CTNND2: variants seen among roughly 807,000 people sequenced by gnomAD.
The protein encoded by CTNND2 is catenin delta 2, also known as catenin delta-2.
Under a neutral mutation model 144.4 loss-of-function variants are expected in CTNND2, and 22 were observed. The ratio of observed to expected loss-of-function variants is 0.15; its 90% confidence interval spans 0.11 to 0.22. The LOEUF (loss-of-function observed/expected upper bound fraction) is 0.22, where lower values mean the gene tolerates loss of function less well. Among genes scored for constraint, CTNND2 ranks in the 10% least tolerant of loss-of-function variants. CTNND2 has a pLI of 1.00. For missense variants in CTNND2, 1,353 were observed against 1,618.8 expected, an observed-to-expected ratio of 0.84 and a Z score of 2.82; for synonymous variants, 751 against 695.6, an observed-to-expected ratio of 1.08 and a Z score of -1.25.
intron 14 of CTNND2, among the ~76,000 whole-genome samples, chr5:11,104,761 C>T (rs1029816577): frequency 1.3e-5 from 2 of 152,282 alleles, no homozygotes; most frequent in East Asian, 3.9e-4. Flanking sequence ...GAGTTGATGG[C>T]TAATTAGCTG....
At chr5:11,185,039 A>C (rs1455700820) in intron 11 of CTNND2, among the ~76,000 whole-genome samples, 1 of 152,198 alleles carries the variant, frequency 6.6e-6, no homozygotes, top group East Asian at 1.9e-4. Flanking sequence ...CGGATGACTC[A>C]GTTCTCAATC....
chr5:11,771,255 G>A (rs901136142), intron 1 of CTNND2, among the ~76,000 whole-genome samples: 14 of 129,284 alleles, frequency 1.1e-4, no homozygotes, highest in East Asian at 7.2e-4. Context: ...GCAGTGGCAC[G>A]ATGTCAGCTC....
rs111475253 is a variant in CTNND2, at chr5:11,200,677, T to C, written c.1762-1016A>G. Among the ~76,000 whole-genome samples the C allele has an allele frequency of 5.5e-3, 843 of 152,218 alleles. 13 individuals are homozygous for C. Among genetic ancestry groups the C allele is most frequent in the African/African-American group, 0.019 (797 of 41,512 alleles). On this transcript the variant is annotated intron_variant, in intron 10 of 21. Coordinates refer to ENST00000304623, the MANE Select transcript of CTNND2 (RefSeq NM_001332.4). ...CTCTTTCTTTTCTCTTTCTTTCTTT[T>C]CTTTTTTCTTTTTCTTTTTGAGACA... is the stretch of plus-strand genomic sequence containing the variant.
intron 3 of CTNND2, among the ~76,000 whole-genome samples, chr5:11,477,112 T>G (rs1767817653): frequency 6.6e-6 from 1 of 152,214 alleles, no homozygotes; most frequent in Non-Finnish European, 1.5e-5. Flanking sequence ...TTTTGTGGAT[T>G]CAGTTCCATT....
intron 9 of CTNND2, among the ~76,000 whole-genome samples, chr5:11,274,854 G>A (rs995256607): frequency 4.6e-5 from 7 of 152,118 alleles, no homozygotes; most frequent in African/African-American, 1.7e-4. Context: ...TAGAACTACC[G>A]ATCTACAAGA....
chr5:11,649,400 C>T (rs1782533960), intron 2 of CTNND2, among the ~76,000 whole-genome samples: 1 of 152,160 alleles, frequency 6.6e-6, no homozygotes, highest in Non-Finnish European at 1.5e-5. Flanking sequence ...TCACTGCAAC[C>T]TTTGCCTCCC....
intron 4 of CTNND2, 97 bp downstream of exon 4, chr5:11,411,938 T>C (rs1274001592): frequency 1.4e-5 from 14 of 984,726 alleles, no homozygotes; most frequent in Non-Finnish European, 2.3e-5. Context: ...GATGTTTTCC[T>C]ATTACTTTTC....
chr5:10,996,473 G>T (rs1426818429), intron 18 of CTNND2, among the ~76,000 whole-genome samples: 1 of 151,616 alleles, frequency 6.6e-6, no homozygotes, highest in African/African-American at 2.4e-5. Flanking sequence ...TGGGACACAA[G>T]GGAGGGAGGG....
chr5:11,118,305 C>G (rs1356054656), intron 12 of CTNND2, among the ~76,000 whole-genome samples: 1 of 152,200 alleles, frequency 6.6e-6, no homozygotes, highest in Non-Finnish European at 1.5e-5. Flanking sequence ...CTCCTACCCA[C>G]AGTTAGCATA....
chr5:11,413,133 T>C (rs1294023558), intron 3 of CTNND2, among the ~76,000 whole-genome samples: 1 of 152,122 alleles, frequency 6.6e-6, no homozygotes, highest in Non-Finnish European at 1.5e-5. Flanking sequence ...AACTGGACAA[T>C]GGTTTTATAA....
chr5:11,306,290 A>G (rs1443471851), intron 9 of CTNND2, among the ~76,000 whole-genome samples: 3 of 152,042 alleles, frequency 2.0e-5, no homozygotes, highest in Non-Finnish European at 4.4e-5. Flanking sequence ...TTTTGGGGGG[A>G]TGTTTGAAAA....
intron 19 of CTNND2, among the ~76,000 whole-genome samples, chr5:10,989,810 A>G (rs932322076): frequency 2.0e-5 from 3 of 152,228 alleles, no homozygotes; most frequent in Non-Finnish European, 4.4e-5. Flanking sequence ...GTAGAATGAG[A>G]GGCAGAAGTG....
chr5:11,714,130 T>C (rs1786207161), intron 2 of CTNND2, among the ~76,000 whole-genome samples: 1 of 152,240 alleles, frequency 6.6e-6, no homozygotes, highest in African/African-American at 2.4e-5. Flanking sequence ...TTTCTCGTGA[T>C]TGTATCTGAA....
chr5:11,405,270 A>G (rs961063924), intron 5 of CTNND2, among the ~76,000 whole-genome samples: 1 of 152,220 alleles, frequency 6.6e-6, no homozygotes, highest in Non-Finnish European at 1.5e-5. Flanking sequence ...GTTTTCTCAT[A>G]TTAAGTGTGT....
At chr5:11,173,882 G>A (rs142078058) in intron 11 of CTNND2, among the ~76,000 whole-genome samples, 1 of 152,196 alleles carries the variant, frequency 6.6e-6, no homozygotes, top group Non-Finnish European at 1.5e-5. Context: ...CAAAAGGATG[G>A]TTGGTTTTTA....
chr5:11,063,008 C>G (rs1747171346), intron 16 of CTNND2, among the ~76,000 whole-genome samples: 1 of 152,130 alleles, frequency 6.6e-6, no homozygotes, highest in African/African-American at 2.4e-5. Flanking sequence ...AGTTCTTTAC[C>G]TTCAACAAGA....
At chr5:11,798,659 C>T (rs773886576) in intron 1 of CTNND2, among the ~76,000 whole-genome samples, 2 of 151,992 alleles carry the variant, frequency 1.3e-5, no homozygotes, top group Non-Finnish European at 2.9e-5. Flanking sequence ...GGCAGCTACT[C>T]GGGACGCTGA....
At chr5:11,209,413 C>A (rs1323782005) in intron 10 of CTNND2, among the ~76,000 whole-genome samples, 2 of 152,052 alleles carry the variant, frequency 1.3e-5, no homozygotes, top group South Asian at 4.1e-4. Flanking sequence ...TAGGAGCTAA[C>A]GTGTGATAAA....
intron 1 of CTNND2, among the ~76,000 whole-genome samples, chr5:11,794,854 A>G (rs540448604): frequency 6.6e-6 from 1 of 152,352 alleles, no homozygotes; most frequent in South Asian, 2.1e-4. Flanking sequence ...GCTCTTTTGC[A>G]TCTGGAATGG....
Sources: allele counts gnomAD v4.1 joint callset (sites outside exome capture counted in the v4.1 genomes callset), GRCh38; gene constraint gnomAD v4.1.1; transcripts MANE v1.5; gene names NCBI Gene and HGNC (gene_info 2026-07-23, HGNC 2026-07-21).